Variants in MYZAP observed in about 807,000 individuals in gnomAD.
MYZAP encodes the protein myocardial zonula adherens protein.
In MYZAP, 66 loss-of-function variants were observed where a neutral mutation model predicts 69.4. The ratio of observed to expected loss-of-function variants is 0.95; its 90% CI spans 0.78 to 1.17. The LOEUF (loss-of-function observed/expected upper bound fraction) is 1.17. Ranked by LOEUF, MYZAP falls within the 50% of genes most tolerant of loss-of-function variation. The pLI, the probability that MYZAP is intolerant of heterozygous loss-of-function variation, is 0.00. For synonymous variants in MYZAP, 256 were observed against 205.9 expected, an observed-to-expected ratio of 1.24 and a Z score of -2.09; for missense variants, 611 against 556.2, an observed-to-expected ratio of 1.10 and a Z score of -0.99.
chr15:57,613,469 C>G (rs2035241268), intron 2 of MYZAP, among the ~76,000 whole-genome samples: 1 of 152,040 alleles, frequency 6.6e-6, no homozygotes, highest in African/African-American at 2.4e-5. Context: ...CTCCTGGGCT[C>G]AAGCAATCTT....
In MYZAP at chr15:57,661,438, C is replaced by T. The variant is rs1384864943; in HGVS notation, c.1120-12C>T. 8.8e-6 allele frequency: 14 copies of T among 1,597,774 alleles called. No individual in the cohort carries two copies. In the East Asian group the frequency reaches 3.1e-4, roughly 36 times the overall value. Reference sequence around the variant, plus strand: ...ATTTTTGATTAACAATTTTCCATCCCTTTCTTTCTAGATTGAATCATTAAA... The same window carrying T: ...ATTTTTGATTAACAATTTTCCATCCTTTTCTTTCTAGATTGAATCATTAAA... On this transcript the variant is annotated splice_polypyrimidine_tract_variant and intron_variant, in intron 10 of 12. Transcript: ENST00000267853.
intron 10 of MYZAP, chr15:57,646,791 A>G (rs1422366063): frequency 2.4e-5 from 24 of 985,362 alleles, no homozygotes; most frequent in Admixed American, 6.1e-5. Flanking sequence ...TTCTATCACC[A>G]TCAGCATTTT....
At position 57,611,593 on chromosome 15, in the gene MYZAP, C is replaced by G. The variant is rs555668110; in HGVS notation, c.163-6440C>G. ...TATCAGGCTGCTATCATTACAAATG[C>G]CACTCTCTTTGGGACTTCTGCTTGG... On this transcript the variant is annotated intron_variant, in intron 2 of 12. Coordinates refer to ENST00000267853, the MANE Select transcript of MYZAP (RefSeq NM_001018100.5). Among the ~76,000 whole-genome samples, 7 of 152,112 alleles carry G rather than the reference C, an allele frequency of 4.6e-5. 1 individual carries two copies. In the South Asian group the frequency reaches 1.4e-3, roughly 31 times the overall value.
chr15:57,684,728 C>T lies in MYZAP; in HGVS notation c.*230C>T. On this transcript the variant is annotated 3_prime_UTR_variant, in exon 13 of 13. Coordinates refer to ENST00000267853, the MANE Select transcript of MYZAP (RefSeq NM_001018100.5). ...TCAGACACCCACTCGGCATACCCTG[C>T]CGTACTGCATCATCATTTGTTTTCT... 1 of 397,992 alleles carries T rather than the reference C, an allele frequency of 2.5e-6. No individual in the cohort carries two copies. 24.7% of individuals were successfully genotyped at this position (397,992 alleles called of 1,614,324 possible). A position where few individuals can be genotyped will look rare whatever the true frequency, so the allele number is the denominator to read the frequency against.
At chr15:57,641,468 T>G (rs2037154584) in intron 10 of MYZAP, among the ~76,000 whole-genome samples, 1 of 152,208 alleles carries the variant, frequency 6.6e-6, no homozygotes, top group Non-Finnish European at 1.5e-5. Flanking sequence ...CTGTCCATGC[T>G]TTGCTTTTTT....
chr15:57,652,483 G>A (rs1001238810), intron 10 of MYZAP, among the ~76,000 whole-genome samples: 1 of 152,126 alleles, frequency 6.6e-6, no homozygotes, highest in Admixed American at 6.5e-5. Context: ...ATGAAATTAC[G>A]ATGTTACAGG....
intron 12 of MYZAP, among the ~76,000 whole-genome samples, chr15:57,676,425 T>TAC (rs1359759915): frequency 1.1e-5 from 1 of 89,030 alleles, no homozygotes; most frequent in African/African-American, 4.8e-5. Flanking sequence ...TATATGTGTA[T>TAC]ATATATATAT....
chr15:57,671,097 T>C (rs2038844307), intron 11 of MYZAP, among the ~76,000 whole-genome samples: 1 of 152,154 alleles, frequency 6.6e-6, no homozygotes, highest in South Asian at 2.1e-4. Context: ...AGAAATTTTA[T>C]TTAGAATTTT....
intron 1 of MYZAP, among the ~76,000 whole-genome samples, chr15:57,594,999 A>AG (rs2033961606): frequency 6.6e-6 from 1 of 152,202 alleles, no homozygotes; most frequent in Admixed American, 6.5e-5. Context: ...TGGGTACTGC[A>AG]GGGGAAACCA....
intron 8 of MYZAP, among the ~76,000 whole-genome samples, 195 bp from the exon 9 acceptor site, chr15:57,637,500 A>G (rs763129272): frequency 4.6e-5 from 7 of 152,178 alleles, no homozygotes; most frequent in Non-Finnish European, 1.0e-4. Context: ...TTTGTCTCTG[A>G]CCCATAAATA....
At chr15:57,636,624 G>T (rs74016366) in intron 8 of MYZAP, among the ~76,000 whole-genome samples, 2 of 152,130 alleles carry the variant, frequency 1.3e-5, no homozygotes, top group Non-Finnish European at 2.9e-5. Context: ...TGATAAACTT[G>T]CATTTTAAGG....
At chr15:57,648,336 T>A in intron 10 of MYZAP, 3 of 985,476 alleles carry the variant, frequency 3.0e-6, no homozygotes, top group Non-Finnish European at 3.6e-6. Context: ...ATGTTCTCTT[T>A]ATTGAAATTG....
intron 10 of MYZAP, among the ~76,000 whole-genome samples, chr15:57,650,086 G>A (rs1416155860): frequency 6.6e-6 from 1 of 152,172 alleles, no homozygotes; most frequent in Non-Finnish European, 1.5e-5. Flanking sequence ...TTATTTTTGT[G>A]TATCATATGA....
At chr15:57,630,725 T>C (rs1464846806) in intron 6 of MYZAP, among the ~76,000 whole-genome samples, 1 of 152,230 alleles carries the variant, frequency 6.6e-6, no homozygotes, top group Non-Finnish European at 1.5e-5. Flanking sequence ...GAATGGCTCC[T>C]GGAGGGCACT....
intron 11 of MYZAP, among the ~76,000 whole-genome samples, chr15:57,668,892 A>T (rs67510067): frequency 0.041 from 2,381 of 58,694 alleles, 80 homozygotes; most frequent in African/African-American, 0.11. Context: ...ATATATATAT[A>T]TATTTTTTTT....
At chr15:57,643,192 C>G (rs896988450) in intron 10 of MYZAP, among the ~76,000 whole-genome samples, 4 of 152,120 alleles carry the variant, frequency 2.6e-5, no homozygotes, top group African/African-American at 7.2e-5. Context: ...AAAGAAAAAG[C>G]CCTCAAGGGG....
chr15:57,609,836 G>A (rs2034992666), intron 2 of MYZAP, among the ~76,000 whole-genome samples: 1 of 152,162 alleles, frequency 6.6e-6, no homozygotes, highest in Admixed American at 6.5e-5. Context: ...ATTAAAATTG[G>A]TAATAGTTTT....
intron 10 of MYZAP, among the ~76,000 whole-genome samples, chr15:57,640,085 C>T (rs1196226123): frequency 1.3e-5 from 2 of 152,180 alleles, no homozygotes; most frequent in East Asian, 3.8e-4. Flanking sequence ...TCCTTTCTCT[C>T]CTAACTGTCT....
At chr15:57,673,775 T>C (rs2038989262) in intron 11 of MYZAP, among the ~76,000 whole-genome samples, 2 of 152,192 alleles carry the variant, frequency 1.3e-5, no homozygotes, top group Non-Finnish European at 2.9e-5. Flanking sequence ...CCACATCCTT[T>C]CTTTCAAAAC....
Sources: gnomAD v4.1 joint callset for allele counts (sites outside exome capture counted in the v4.1 genomes callset) on GRCh38, gnomAD v4.1.1 for gene constraint, MANE v1.5 for transcripts, NCBI Gene and HGNC (gene_info 2026-07-23, HGNC 2026-07-21) for gene names.